The following SMPDL3A variants were observed in gnomAD, a reference collection of about 807,000 sequenced individuals.
SMPDL3A encodes sphingomyelin phosphodiesterase acid like 3A.
SMPDL3A carries 39 observed loss-of-function variants against 38.5 expected under a neutral mutation model. The ratio of observed to expected loss-of-function variants is 1.01; its 90% CI spans 0.78 to 1.32. The LOEUF (loss-of-function observed/expected upper bound fraction) is 1.32, where lower values mean the gene tolerates loss of function less well. Ranked by LOEUF, SMPDL3A falls within the 40% of genes most tolerant of loss-of-function variation. The pLI, the probability that SMPDL3A is intolerant of heterozygous loss-of-function variation, is 0.00. For missense variants in SMPDL3A, 502 were observed against 536.2 expected (o/e 0.94, Z 0.63); for synonymous variants, 180 against 194.3 (o/e 0.93, Z 0.61).
In SMPDL3A at chr6:122,804,905, C is replaced by A; in HGVS notation, c.739-4C>A. Reference sequence around the variant, plus strand: ...ATGAGGCCTTTTTGTGTTTCTTTTTCCAGGTGTATATCATAGCACATGTTC... The same window carrying A: ...ATGAGGCCTTTTTGTGTTTCTTTTTACAGGTGTATATCATAGCACATGTTC... On this transcript the variant is annotated splice_polypyrimidine_tract_variant and splice_region_variant and intron_variant, in intron 5 of 7. Coordinates refer to ENST00000368440, the MANE Select transcript of SMPDL3A (RefSeq NM_006714.5). The A allele has an allele frequency of 2.5e-6, 4 of 1,587,466 alleles. No individual in the cohort carries two copies. Among genetic ancestry groups the A allele is most frequent in the Middle Eastern group, 3.3e-4 (2 of 6,002 alleles).
intron 7 of SMPDL3A, among the ~76,000 whole-genome samples, chr6:122,808,556 T>C (rs1003322465): frequency 6.6e-6 from 1 of 151,852 alleles, no homozygotes; most frequent in Non-Finnish European, 1.5e-5. Flanking sequence ...ATTTTTAAAA[T>C]TGAAAAAGTG....
chr6:122,808,620 T>C (rs1781730777), intron 7 of SMPDL3A, among the ~76,000 whole-genome samples: 2 of 100,570 alleles, frequency 2.0e-5, no homozygotes, highest in African/African-American at 4.3e-5. Context: ...CCTTCCTTCC[T>C]TCCTTCCTTC....
chr6:122,803,627 A>G (rs1781496168), intron 4 of SMPDL3A, 37 bp from the exon 5 acceptor site: 1 of 1,523,144 alleles, frequency 6.6e-7, no homozygotes, highest in Non-Finnish European at 9.1e-7. Flanking sequence ...GTGTATGTGT[A>G]TGTTTTCCTA....
chr6:122,803,601 C>A (rs1781494627), intron 4 of SMPDL3A, 63 bp from the exon 5 acceptor site: 2 of 1,315,690 alleles, frequency 1.5e-6, no homozygotes, highest in Non-Finnish European at 2.1e-6. Flanking sequence ...CAGGAATTTG[C>A]TTTCACAATG....
chr6:122,796,734 G>A (rs1781258698), intron 2 of SMPDL3A, 90 bp from the exon 3 acceptor site: 9 of 1,026,372 alleles, frequency 8.8e-6, no homozygotes, highest in African/African-American at 1.6e-5. Flanking sequence ...ATGGAAGTCT[G>A]CAGTGATAGG....
At chr6:122,791,009 G>T (rs1196332257) in intron 1 of SMPDL3A, among the ~76,000 whole-genome samples, 1 of 152,180 alleles carries the variant, frequency 6.6e-6, no homozygotes, top group African/African-American at 2.4e-5. Context: ...GGAGTTCAAA[G>T]GTCTGAAGTG....
intron 1 of SMPDL3A, among the ~76,000 whole-genome samples, chr6:122,794,884 ATATAGTTCC>A (rs1781191998): frequency 6.6e-6 from 1 of 152,190 alleles, no homozygotes; most frequent in South Asian, 2.1e-4. Context: ...TAAGAGTGAT[ATATAGTTCC>A]TGGTTCTGCA....
chr6:122,798,065 C>T (rs1329269288), intron 3 of SMPDL3A, among the ~76,000 whole-genome samples: 1 of 152,180 alleles, frequency 6.6e-6, no homozygotes, highest in South Asian at 2.1e-4. Flanking sequence ...ACATTTTTCT[C>T]TTTGCTTAGA....
chr6:122,806,869 C>T (rs1037421595), intron 7 of SMPDL3A, among the ~76,000 whole-genome samples: 2 of 152,200 alleles, frequency 1.3e-5, no homozygotes, highest in African/African-American at 4.8e-5. Flanking sequence ...ACGCTTGGCT[C>T]ATACTAAATG....
chr6:122,793,762 A>G (rs1781151635), intron 1 of SMPDL3A, among the ~76,000 whole-genome samples: 1 of 152,206 alleles, frequency 6.6e-6, no homozygotes, highest in Non-Finnish European at 1.5e-5. Flanking sequence ...AACAACCACC[A>G]AAAGATAACT....
chr6:122,809,123 G>C lies in SMPDL3A; in HGVS notation c.1077G>C (p.Glu359Asp). 6.2e-7 allele frequency: 1 copy of C among 1,614,142 alleles called. No individual in the cohort carries two copies. The highest frequency in any genetic ancestry group is 8.5e-7 in the Non-Finnish European group (1 of 1,180,004). The change falls in exon 8 of 8, where the codon GAG becomes GAC. Residue 359 changes from glutamate (E) to aspartate (D), a missense_variant. Physicochemically the swap from Glu to Asp is conservative, Grantham distance 45 (BLOSUM62 2). Transcript: ENST00000368440. ...DMLQYYLNLT[E>D]ANLKGESIWK... The stretch of plus-strand genomic sequence containing the variant: ...TGCAGTATTACTTGAATCTGACAGA[G>C]GCGAATCTAAAGGGAGAGTCCATCT...
At chr6:122,805,897 A>G (rs1334096823) in intron 6 of SMPDL3A, among the ~76,000 whole-genome samples, 1 of 152,158 alleles carries the variant, frequency 6.6e-6, no homozygotes, top group Non-Finnish European at 1.5e-5. Context: ...CTGGCCTTAT[A>G]TTCTTTTAAT....
intron 3 of SMPDL3A, among the ~76,000 whole-genome samples, chr6:122,799,961 CTTTTTT>C (rs112956534): frequency 1.6e-5 from 2 of 124,530 alleles, no homozygotes; most frequent in Admixed American, 8.6e-5. Flanking sequence ...TCAGTATTTA[CTTTTTT>C]TTTTTTTTTT....
chr6:122,796,981 G>A lies in SMPDL3A; in HGVS notation c.471+13G>A, dbSNP rs1035540254. The A allele has an allele frequency of 3.7e-6, 6 of 1,606,464 alleles. No homozygotes were observed. The highest frequency in any genetic ancestry group is 5.1e-6 in the Non-Finnish European group (6 of 1,177,134). On this transcript the variant is annotated intron_variant, in intron 3 of 7. Transcript: ENST00000368440. ...CTATTGGCCACAGGTAAATTTGATA[G>A]ACTTTCAGAAATGCTTAAAGAATTT...
intron 4 of SMPDL3A, among the ~76,000 whole-genome samples, chr6:122,802,427 T>A (rs1001154487): frequency 2.6e-5 from 4 of 152,012 alleles, no homozygotes; most frequent in Non-Finnish European, 5.9e-5. Flanking sequence ...GTCTCGGGCT[T>A]CTGACCTCAG....
intron 7 of SMPDL3A, 36 bp from the exon 8 acceptor site, chr6:122,809,055 A>C (rs1781761975): frequency 6.5e-7 from 1 of 1,546,752 alleles, no homozygotes; most frequent in South Asian, 1.1e-5. Context: ...ATGTGCCAAA[A>C]AGTGAACCAG....
intron 7 of SMPDL3A, among the ~76,000 whole-genome samples, chr6:122,808,671 CTTCT>C: frequency 9.4e-6 from 1 of 106,674 alleles, no homozygotes; most frequent in African/African-American, 3.6e-5. Flanking sequence ...CCTCCCTCTC[CTTCT>C]TTCTTATTTA....
Position 122,809,088 on chromosome 6 carries a change from C to T in SMPDL3A, c.1045-3C>T. 6.2e-7 allele frequency: 1 copy of T among 1,611,324 alleles called. No individual in the cohort carries two copies. Among genetic ancestry groups the T allele is most frequent in the Non-Finnish European group, 8.5e-7 (1 of 1,177,766 alleles). ...CAGGTTTTGTTACTGTTCTTAACTG[C>T]AGGATATGTTGCAGTATTACTTGAA... is the stretch of plus-strand genomic sequence containing the variant. On this transcript the variant is annotated splice_region_variant and splice_polypyrimidine_tract_variant and intron_variant, in intron 7 of 7. Transcript: ENST00000368440.
rs756575849 is a variant in SMPDL3A, at chr6:122,795,814, C to T, written c.250C>T (p.Pro84Ser). ...TTTTGGAGATGTTCTGTGTGATTCT[C>T]CATATCAACTTATTTTGTCAGCATT... ...GPFGDVLCDS[P>S]YQLILSAFDF... Residue 84 changes from proline (P) to serine (S), a missense_variant, in exon 2 of 8, where the codon CCA becomes TCA. Pro to Ser is a moderately conservative substitution (Grantham distance 74). Coordinates refer to ENST00000368440, the MANE Select transcript of SMPDL3A (RefSeq NM_006714.5). 1.9e-6 allele frequency: 3 copies of T among 1,614,084 alleles called. No individual in the cohort carries two copies. In the Admixed American group the frequency reaches 5.0e-5, roughly 27 times the overall value.
Sources: allele counts gnomAD v4.1 joint callset (sites outside exome capture counted in the v4.1 genomes callset), GRCh38; gene constraint gnomAD v4.1.1; transcripts MANE v1.5; gene names NCBI Gene and HGNC (gene_info 2026-07-23, HGNC 2026-07-21).